The following TSC2 variants were observed in gnomAD, a reference collection of about 807,000 sequenced individuals.
The protein encoded by TSC2 is TSC complex subunit 2, also known as tuberin.
TSC2 carries 29 observed loss-of-function variants against 202.2 expected under a neutral mutation model. The observed-to-expected ratio is 0.14, with a 90% CI of 0.11 to 0.20. The LOEUF is 0.20. Ranked by LOEUF, TSC2 falls within the 10% of genes least tolerant of loss-of-function variation. TSC2 has a pLI of 1.00. For synonymous variants in TSC2, 1,349 were observed against 1,044.0 expected (o/e 1.29, Z -5.63); for missense variants, 2,429 against 2,420.0 (o/e 1.00, Z -0.08).
At chr16:2,070,185 G>C (rs1555504875) in intron 16 of TSC2, among the ~76,000 whole-genome samples, 1 of 152,174 alleles carries the variant, frequency 6.6e-6, no homozygotes, top group Non-Finnish European at 1.5e-5. Flanking sequence ...GCCCCATTCT[G>C]CCCTGTCTGC....
At chr16:2,056,454 T>G (rs1179082275) in intron 7 of TSC2, among the ~76,000 whole-genome samples, 190 bp from the exon 8 acceptor site, 2 of 152,224 alleles carry the variant, frequency 1.3e-5, no homozygotes, top group South Asian at 2.1e-4. Flanking sequence ...ACAGCATCAA[T>G]GACCCACAGT....
At position 2,086,870 on chromosome 16, in the gene TSC2, A is replaced by C; in HGVS notation, c.4988A>C (p.Lys1663Thr). Residue 1663 changes from lysine (K) to threonine (T), a missense_variant and splice_region_variant, in exon 38 of 42, where the codon AAG becomes ACG. Coordinates refer to ENST00000219476, the MANE Select transcript of TSC2 (RefSeq NM_000548.5). Reference protein sequence around the residue: ...SGEDFKLGTIKGQFNFVHVIV... With the variant: ...SGEDFKLGTITGQFNFVHVIV... ...GAGGACTTCAAGCTTGGCACCATCA[A>C]GGTGAGTGAGGGGCCGTCAGTGAGG... The C allele has an allele frequency of 1.3e-6, 2 of 1,584,414 alleles. No individual in the cohort carries two copies. The highest frequency in any genetic ancestry group is 1.3e-5 in the African/African-American group (1 of 74,280).
chr16:2,062,581 C>G lies in TSC2; in HGVS notation c.1342C>G (p.Leu448Val), dbSNP rs1413875392. 5 of 1,610,016 alleles carry G rather than the reference C, an allele frequency of 3.1e-6. No individual in the cohort carries two copies. The highest frequency in any genetic ancestry group is 2.7e-5 in the African/African-American group (2 of 74,882). The change falls in exon 13 of 42, where the codon CTG (leucine) becomes GTG (valine). Residue 448 changes from leucine to valine, a missense_variant. By Grantham distance (32) the Leu-to-Val change is conservative (BLOSUM62 1). Transcript: ENST00000219476. The stretch of plus-strand genomic sequence containing the variant: ...CGGCTGGATTCAGAACCTGCAGGCG[C>G]TGATGGAGAGATTCTTCAGGTAGGG... ...KDGWIQNLQA[L>V]MERFFRSESR... is the part of the protein sequence containing the mutation.
intron 3 of TSC2, among the ~76,000 whole-genome samples, chr16:2,051,409 C>A (rs1409870543): frequency 1.3e-5 from 2 of 152,004 alleles, no homozygotes; most frequent in African/African-American, 2.4e-5. Flanking sequence ...CAAGAAAAAT[C>A]AAGAAAGGGT....
At chr16:2,086,091 C>T (rs1475581314) in intron 36 of TSC2, 102 bp from the exon 37 acceptor site, 3 of 1,390,188 alleles carry the variant, frequency 2.2e-6, no homozygotes, top group Admixed American at 1.8e-5. Flanking sequence ...CCTCAGGGAT[C>T]AGAGTGGGGC....
intron 36 of TSC2, among the ~76,000 whole-genome samples, 153 bp downstream of exon 36, chr16:2,085,475 C>T (rs1315442746): frequency 6.6e-6 from 1 of 152,206 alleles, no homozygotes; most frequent in Non-Finnish European, 1.5e-5. Flanking sequence ...GTGCCAGGTG[C>T]TGCTCTGAGT....
intron 25 of TSC2, among the ~76,000 whole-genome samples, chr16:2,076,888 C>T (rs908319018): frequency 1.3e-5 from 2 of 152,222 alleles, no homozygotes; most frequent in African/African-American, 4.8e-5. Context: ...GGGCTGCCCC[C>T]TCCTCTGCAG....
chr16:2,055,380 A>G, intron 5 of TSC2, 22 bp from the exon 6 acceptor site: 1 of 1,605,218 alleles, frequency 6.2e-7, no homozygotes, highest in Non-Finnish European at 8.5e-7. Flanking sequence ...GTCCTCGCAA[A>G]CTGCCGCCGC....
intron 26 of TSC2, 103 bp from the exon 27 acceptor site, chr16:2,078,929 C>T (rs899070124): frequency 6.6e-6 from 10 of 1,507,010 alleles, no homozygotes; most frequent in Middle Eastern, 1.8e-4. Flanking sequence ...TCTTTCCGAG[C>T]GAGGTCCTCA....
chr16:2,081,848 T>G, intron 31 of TSC2, 50 bp downstream of exon 31: 2 of 1,594,990 alleles, frequency 1.3e-6, no homozygotes, highest in Non-Finnish European at 1.7e-6. Context: ...ACTGGCCTGG[T>G]GCTCCCGGTG....
At position 2,061,955 on chromosome 16, in the gene TSC2, G is replaced by T. The variant is rs771561593; in HGVS notation, c.1204G>T (p.Gly402Trp). 1 of 1,614,164 alleles carries T rather than the reference G, an allele frequency of 6.2e-7. No individual in the cohort carries two copies. The highest frequency in any genetic ancestry group is 8.5e-7 in the Non-Finnish European group (1 of 1,180,020). The change falls in exon 12 of 42, where the codon GGG becomes TGG. Residue 402 changes from glycine (G) to tryptophan (W), a missense_variant. Transcript: ENST00000219476. ...GCTGTGTGACCAGAACGAGTTCCAC[G>T]GGTCTCAGGAGAGATACTTTGAACT... is the stretch of plus-strand genomic sequence containing the variant. ...EELCDQNEFHGSQERYFELVE... is the reference protein window; with the variant it reads ...EELCDQNEFHWSQERYFELVE...
chr16:2,058,762 C>T lies in TSC2; in HGVS notation c.864C>T (p.Asp288=), dbSNP rs780887572. Residue 288 remains aspartate, a synonymous_variant, in exon 10 of 42, where the codon GAC becomes GAT. Coordinates refer to ENST00000219476, the MANE Select transcript of TSC2 (RefSeq NM_000548.5). ...HLMEDRAYME[D]APLLRGAVFF... is the part of the protein sequence containing the mutation. The stretch of plus-strand genomic sequence containing the variant: ...ACACTTTTAGAGCCTACATGGAGGA[C>T]GCGCCCCTGCTGAGAGGAGCCGTGT... The T allele has an allele frequency of 6.9e-6, 11 of 1,584,642 alleles. No individual in the cohort carries two copies. Among genetic ancestry groups the T allele is most frequent in the South Asian group, 3.4e-5 (3 of 87,060 alleles).
intron 3 of TSC2, among the ~76,000 whole-genome samples, chr16:2,050,953 G>A (rs1276536693): frequency 2.6e-5 from 4 of 152,126 alleles, no homozygotes; most frequent in Non-Finnish European, 4.4e-5. Context: ...GAAATGCCCC[G>A]AATACAACCT....
chr16:2,077,036 C>G (rs112550562), intron 25 of TSC2, among the ~76,000 whole-genome samples: 1 of 152,214 alleles, frequency 6.6e-6, no homozygotes, highest in Non-Finnish European at 1.5e-5. Context: ...CCTTCCTGCC[C>G]GAGCTATTTT....
Position 2,071,553 on chromosome 16 carries a change from G to T in TSC2, c.1883G>T (p.Arg628Leu). 3 of 1,613,568 alleles carry T rather than the reference G, an allele frequency of 1.9e-6. No individual in the cohort carries two copies. The highest frequency in any genetic ancestry group is 1.1e-5 in the South Asian group (1 of 91,086). ...CTGCTGCGGGCCGACTCACTGCACC[G>T]CCTGGGCCTGCCCAACAAGGATGGA... ...LLLLRADSLH[R>L]LGLPNKDGVV... The change falls in exon 18 of 42, where the codon CGC (arginine) becomes CTC (leucine). Residue 628 changes from arginine (R) to leucine (L), a missense_variant. By Grantham distance (102) the Arg-to-Leu change is moderately radical. Transcript: ENST00000219476.
intron 6 of TSC2, 75 bp downstream of exon 6, chr16:2,055,594 C>G: frequency 7.1e-7 from 1 of 1,415,814 alleles, no homozygotes; most frequent in Admixed American, 1.7e-5. Flanking sequence ...TTGAAACCAC[C>G]AAAAAAATAG....
chr16:2,051,177 G>A (rs560167992), intron 3 of TSC2, among the ~76,000 whole-genome samples: 4 of 152,028 alleles, frequency 2.6e-5, no homozygotes, highest in East Asian at 3.9e-4. Context: ...ATGATGAGCC[G>A]GGCATGGTGG....
chr16:2,057,195 G>A lies in TSC2; in HGVS notation c.848+17G>A. The A allele has an allele frequency of 6.4e-7, 1 of 1,551,568 alleles. No homozygotes were observed. The highest frequency in any genetic ancestry group is 8.7e-7 in the Non-Finnish European group (1 of 1,146,970). ...GGAGGACAGGTGAGTGTGGTGGGTG[G>A]GGCGCAGGGCAGTGGAGGCCAGCAC... On this transcript the variant is annotated intron_variant, in intron 9 of 41. Coordinates refer to ENST00000219476, the MANE Select transcript of TSC2 (RefSeq NM_000548.5).
rs922598683 is a variant in TSC2 at position 2,074,134 on chromosome 16, G to C, written c.2356-66G>C. 27 of 1,599,910 alleles carry C rather than the reference G, an allele frequency of 1.7e-5. No individual in the cohort carries two copies. In the African/African-American group the frequency reaches 2.5e-4, roughly 15 times the overall value. ...TCTCCCGGTGGAGCACTCGAGGTTGGCGAGGGGTAGGCGAGGCTGCCTCTG... is the reference window on the plus strand; with the variant it reads ...TCTCCCGGTGGAGCACTCGAGGTTGCCGAGGGGTAGGCGAGGCTGCCTCTG... On this transcript the variant is annotated intron_variant, in intron 21 of 41. Coordinates refer to ENST00000219476, the MANE Select transcript of TSC2 (RefSeq NM_000548.5).
Sources: gnomAD v4.1 joint callset for allele counts (sites outside exome capture counted in the v4.1 genomes callset) on GRCh38, gnomAD v4.1.1 for gene constraint, MANE v1.5 for transcripts, NCBI Gene and HGNC (gene_info 2026-07-23, HGNC 2026-07-21) for gene names.